The following RASGRP3 variants were observed in gnomAD, a reference collection of about 807,000 sequenced individuals.
RASGRP3 encodes the protein RAS guanyl releasing protein 3.
In RASGRP3, 54 loss-of-function variants were observed where a neutral mutation model predicts 82.7. That is an observed-to-expected ratio of 0.65 (90% confidence interval 0.52 to 0.82). The LOEUF is 0.82. Ranked by LOEUF, RASGRP3 falls within the 40% of genes least tolerant of loss-of-function variation. RASGRP3 has a pLI of 0.00. For missense variants in RASGRP3, 861 were observed against 828.9 expected (o/e 1.04, Z -0.48); for synonymous variants, 309 against 300.5 (o/e 1.03, Z -0.29).
chr2:33,561,269 G>A (rs538469615), intron 17 of RASGRP3, among the ~76,000 whole-genome samples: 1 of 152,194 alleles, frequency 6.6e-6, no homozygotes, highest in Admixed American at 6.5e-5. Flanking sequence ...GTTTCACCAT[G>A]CTGGCCAGGC....
At chr2:33,523,191 T>C (rs1558481689) in intron 7 of RASGRP3, among the ~76,000 whole-genome samples, 1 of 152,172 alleles carries the variant, frequency 6.6e-6, no homozygotes, top group Non-Finnish European at 1.5e-5. Flanking sequence ...TGGAGATTCT[T>C]GGCCGGGCGC....
chr2:33,448,323 G>T (rs1198567145), intron 2 of RASGRP3, among the ~76,000 whole-genome samples: 1 of 151,460 alleles, frequency 6.6e-6, no homozygotes, highest in Non-Finnish European at 1.5e-5. Flanking sequence ...GCCTTATTTT[G>T]TGCTTTAAAA....
intron 11 of RASGRP3, among the ~76,000 whole-genome samples, chr2:33,536,423 G>C (rs1468234906): frequency 6.6e-6 from 1 of 151,892 alleles, no homozygotes; most frequent in Non-Finnish European, 1.5e-5. Flanking sequence ...TGGAGAGCTG[G>C]GATTCAGTGT....
At chr2:33,543,046 C>A (rs935358625) in intron 12 of RASGRP3, among the ~76,000 whole-genome samples, 12 of 151,980 alleles carry the variant, frequency 7.9e-5, no homozygotes, top group African/African-American at 2.9e-4. Context: ...TGATGCCTTA[C>A]TCGTTTGCCC....
chr2:33,507,815 C>T (rs1041869331), intron 1 of RASGRP3, among the ~76,000 whole-genome samples: 7 of 152,196 alleles, frequency 4.6e-5, no homozygotes, highest in East Asian at 3.9e-4. Flanking sequence ...CGTGAGCCAC[C>T]GTGCCTGGCC....
In RASGRP3 at chr2:33,525,641, T is replaced by G. The variant is rs1672470317; in HGVS notation, c.807+1093T>G. ...ACTTTGGGAGGTGGAGGTGGGAGGA[T>G]TGCTTGAAGCCAGGAGTTCGACACC... On this transcript the variant is annotated intron_variant, in intron 9 of 17. Transcript: ENST00000403687. Among the ~76,000 whole-genome samples, 3 of 138,612 alleles carry G rather than the reference T, an allele frequency of 2.2e-5. No homozygotes were observed. The Admixed American group carries it at 2.5e-4, about 12-fold the overall frequency. 90.9% of individuals were successfully genotyped at this position (138,612 alleles called of 152,430 possible).
chr2:33,451,850 A>G (rs1313180205), intron 2 of RASGRP3, among the ~76,000 whole-genome samples: 1 of 151,958 alleles, frequency 6.6e-6, no homozygotes, highest in African/African-American at 2.4e-5. Context: ...GAATCCCCTA[A>G]TGTATATATT....
intron 13 of RASGRP3, among the ~76,000 whole-genome samples, chr2:33,544,177 G>T (rs1674526325): frequency 6.6e-6 from 1 of 152,110 alleles, no homozygotes; most frequent in African/African-American, 2.4e-5. Context: ...CACTGGGCAT[G>T]GTGGCACAGG....
At chr2:33,471,882 A>G (rs1483016636), upstream of RASGRP3, among the ~76,000 whole-genome samples, 1 of 118,698 alleles carries the variant, frequency 8.4e-6, no homozygotes, top group Non-Finnish European at 1.7e-5. Context: ...TTTTTAATTT[A>G]TTCTCCAATC....
intron 1 of RASGRP3, among the ~76,000 whole-genome samples, chr2:33,486,285 T>G (rs1222473482): frequency 6.6e-6 from 1 of 152,022 alleles, no homozygotes; most frequent in Non-Finnish European, 1.5e-5. Flanking sequence ...TGCCTCAGCC[T>G]CCTGAGTAAC....
At chr2:33,552,014 CAAACAAACAAACA>C (rs1004636783) in intron 14 of RASGRP3, among the ~76,000 whole-genome samples, 113 of 121,574 alleles carry the variant, frequency 9.3e-4, no homozygotes, top group Non-Finnish European at 1.1e-3. Flanking sequence ...AACAAACAAA[CAAACAAACAAACA>C]GAGAAACAAA....
At chr2:33,521,415 A>G (rs1275677629) in intron 6 of RASGRP3, among the ~76,000 whole-genome samples, 1 of 152,234 alleles carries the variant, frequency 6.6e-6, no homozygotes, top group East Asian at 1.9e-4. Flanking sequence ...GTCGATTACT[A>G]TTGAATACTT....
intron 1 of RASGRP3, among the ~76,000 whole-genome samples, chr2:33,502,762 G>T (rs112532695): frequency 1.3e-5 from 2 of 152,074 alleles, no homozygotes; most frequent in Admixed American, 1.3e-4. Flanking sequence ...TGATGCACTC[G>T]CCTTGGCCTC....
chr2:33,543,831 G>C (rs1558510120), intron 13 of RASGRP3, among the ~76,000 whole-genome samples: 1 of 152,174 alleles, frequency 6.6e-6, no homozygotes, highest in Non-Finnish European at 1.5e-5. Flanking sequence ...CATGTTGTCA[G>C]TGTTGAACAC....
In RASGRP3 at chr2:33,438,516, C is replaced by G. The variant is rs193004727; in HGVS notation, c.-385+1925C>G. 1.0e-3 allele frequency among the ~76,000 whole-genome samples: 156 copies of G among 149,990 alleles called. 2 individuals are homozygous for G. The East Asian group carries it at 0.026, about 25-fold the overall frequency. The stretch of plus-strand genomic sequence containing the variant: ...GGTGGAGGTTGCAGTGAGCCGGGAT[C>G]GCGCCACTGCCCTCCAGCCTGGGCA... On this transcript the variant is annotated intron_variant, in intron 1 of 18. Coordinates refer to the RASGRP3 transcript ENST00000402538.
At chr2:33,506,520 G>A (rs772617425) in intron 1 of RASGRP3, among the ~76,000 whole-genome samples, 1 of 152,100 alleles carries the variant, frequency 6.6e-6, no homozygotes, top group Non-Finnish European at 1.5e-5. Flanking sequence ...ATTACGTTGC[G>A]ACCAACAAAT....
intron 2 of RASGRP3, among the ~76,000 whole-genome samples, chr2:33,451,372 A>G (rs1265662691): frequency 6.6e-6 from 1 of 152,156 alleles, no homozygotes; most frequent in Non-Finnish European, 1.5e-5. Context: ...CTGTCTCTAC[A>G]GTCTGTTGAT....
intron 2 of RASGRP3, among the ~76,000 whole-genome samples, chr2:33,458,612 T>C (rs889636155): frequency 2.0e-5 from 3 of 152,202 alleles, no homozygotes; most frequent in Non-Finnish European, 2.9e-5. Flanking sequence ...GTTTAGATAG[T>C]GGACCCTATT....
chr2:33,449,115 C>T (rs961461038), intron 2 of RASGRP3, among the ~76,000 whole-genome samples: 1 of 152,146 alleles, frequency 6.6e-6, no homozygotes, highest in African/African-American at 2.4e-5. Flanking sequence ...TAGACAAAAG[C>T]CAAGTGCTGT....
Sources: gnomAD v4.1 joint callset for allele counts (sites outside exome capture counted in the v4.1 genomes callset) on GRCh38, gnomAD v4.1.1 for gene constraint, MANE v1.5 for transcripts, NCBI Gene and HGNC (gene_info 2026-07-23, HGNC 2026-07-21) for gene names.